The following NAV2 variants were observed in gnomAD, a reference collection of about 807,000 sequenced individuals.
The protein encoded by NAV2 is neuron navigator 2.
A neutral mutation model predicts 223.2 loss-of-function variants in NAV2; 54 were observed. The observed-to-expected ratio is 0.24, with a 90% CI of 0.19 to 0.30. The LOEUF (loss-of-function observed/expected upper bound fraction) is 0.30. NAV2 is among the 10% of genes least tolerant of loss of function. NAV2 has a pLI of 1.00. For synonymous variants in NAV2, 1,279 were observed against 1,239.3 expected (o/e 1.03, Z -0.67); for missense variants, 2,806 against 3,147.5 (o/e 0.89, Z 2.60).
intron 26 of NAV2, among the ~76,000 whole-genome samples, chr11:20,086,353 T>C (rs957948540): frequency 4.6e-5 from 7 of 152,158 alleles, no homozygotes; most frequent in Admixed American, 2.0e-4. Context: ...CCTTCCTGTG[T>C]CCTCTGCCTG....
chr11:19,497,174 T>C (rs529170353), intron 1 of NAV2, among the ~76,000 whole-genome samples: 18 of 152,382 alleles, frequency 1.2e-4, no homozygotes, highest in African/African-American at 3.6e-4. Flanking sequence ...TCTTCACCTC[T>C]CTGTGCATCT....
At chr11:20,090,787 C>T in intron 26 of NAV2, 78 bp from the exon 27 acceptor site, 1 of 1,481,348 alleles carries the variant, frequency 6.8e-7, no homozygotes, top group Non-Finnish European at 9.2e-7. Context: ...CTAAACAAAC[C>T]TGATGATTGA....
At chr11:19,818,262 T>TTTA (rs1555075651) in intron 1 of NAV2, among the ~76,000 whole-genome samples, 18 of 114,102 alleles carry the variant, frequency 1.6e-4, no homozygotes, top group South Asian at 3.0e-4. Context: ...TTTTTTTTTT[T>TTTA]ACTCCATCTC....
Position 19,614,237 on chromosome 11 carries a change from G to A in NAV2, c.76-218247G>A, listed in dbSNP as rs538492537. On this transcript the variant is annotated intron_variant, in intron 1 of 37. Transcript: ENST00000360655. ...TGGTGGGGGTTGAAGAGGAGATGAG[G>A]CAGGGGGCTGGGTCCTGCTGGCTGT... 2.0e-5 allele frequency among the ~76,000 whole-genome samples: 3 copies of A among 152,230 alleles called. No individual in the cohort carries two copies. The South Asian group carries it at 6.2e-4, about 32-fold the overall frequency.
chr11:19,743,769 G>A (rs1481712805), intron 1 of NAV2, among the ~76,000 whole-genome samples: 1 of 152,228 alleles, frequency 6.6e-6, no homozygotes, highest in Admixed American at 6.5e-5. Flanking sequence ...GCTCAGAGTT[G>A]GGCAGTCATC....
At chr11:19,363,150 G>A (rs535736778) in intron 1 of NAV2, among the ~76,000 whole-genome samples, 10 of 152,126 alleles carry the variant, frequency 6.6e-5, no homozygotes, top group Non-Finnish European at 1.3e-4. Flanking sequence ...CCCCACGACA[G>A]GCCCTGGTGT....
At chr11:19,708,514 C>T (rs556309414), upstream of NAV2, among the ~76,000 whole-genome samples, 13 of 152,194 alleles carry the variant, frequency 8.5e-5, no homozygotes, top group Middle Eastern at 3.4e-3. Context: ...GGCTCTTCAC[C>T]GGACTGTCTT....
intron 1 of NAV2, among the ~76,000 whole-genome samples, chr11:19,415,760 T>G (rs187190188): frequency 1.3e-3 from 196 of 152,310 alleles, no homozygotes; most frequent in African/African-American, 4.4e-3. Flanking sequence ...TCGAGTTGGC[T>G]TCATCCCTGG....
At chr11:19,921,748 A>G (rs1054986063) in intron 6 of NAV2, among the ~76,000 whole-genome samples, 2 of 152,220 alleles carry the variant, frequency 1.3e-5, no homozygotes, top group Non-Finnish European at 2.9e-5. Context: ...CTTAACCCCT[A>G]TGCCTCAGTT....
At chr11:19,430,201 A>G (rs545983091) in intron 1 of NAV2, among the ~76,000 whole-genome samples, 13 of 152,196 alleles carry the variant, frequency 8.5e-5, no homozygotes, top group Middle Eastern at 3.4e-3. Flanking sequence ...GGAATGGGGC[A>G]GAGGCCTCTT....
chr11:19,834,966 G>A (rs1390926834), intron 2 of NAV2, among the ~76,000 whole-genome samples: 7 of 152,186 alleles, frequency 4.6e-5, no homozygotes, highest in Non-Finnish European at 8.8e-5. Context: ...TACCTAGAAA[G>A]GTATGTATGG....
chr11:19,979,395 G>C (rs1021894523), intron 10 of NAV2, among the ~76,000 whole-genome samples: 1 of 152,056 alleles, frequency 6.6e-6, no homozygotes, highest in Non-Finnish European at 1.5e-5. Flanking sequence ...ATGCAGCCCA[G>C]TTCCTAGCTG....
intron 17 of NAV2, among the ~76,000 whole-genome samples, chr11:20,053,297 A>T (rs1591870406): frequency 6.6e-6 from 1 of 152,024 alleles, no homozygotes; most frequent in African/African-American, 2.4e-5. Context: ...CATGCATTTT[A>T]AAATCAAACA....
intron 1 of NAV2, among the ~76,000 whole-genome samples, chr11:19,742,247 C>T (rs549598921): frequency 6.6e-6 from 1 of 152,340 alleles, no homozygotes; most frequent in Admixed American, 6.5e-5. Context: ...TCTACCACTT[C>T]CTACCTCCTG....
At chr11:19,717,974 C>G (rs1044560276) in intron 1 of NAV2, among the ~76,000 whole-genome samples, 1 of 152,154 alleles carries the variant, frequency 6.6e-6, no homozygotes, top group Non-Finnish European at 1.5e-5. Context: ...TTAGGTACAG[C>G]CCTACTGTCA....
intron 1 of NAV2, among the ~76,000 whole-genome samples, chr11:19,565,828 C>T (rs1246856073): frequency 6.6e-6 from 1 of 152,198 alleles, no homozygotes; most frequent in Non-Finnish European, 1.5e-5. Flanking sequence ...TTTCAATTTT[C>T]CTCCTGGCTG....
At chr11:19,711,843 G>A (rs769854628), upstream of NAV2, 4 of 152,182 alleles carry the variant, frequency 2.6e-5, no homozygotes, top group Non-Finnish European at 5.9e-5. Flanking sequence ...CAGCTCATTA[G>A]GTAAATGTCG....
At chr11:19,433,368 C>A (rs1851102268) in intron 1 of NAV2, among the ~76,000 whole-genome samples, 2 of 152,186 alleles carry the variant, frequency 1.3e-5, no homozygotes, top group South Asian at 2.1e-4. Flanking sequence ...GAAATTTCTG[C>A]ATTTGATGGG....
intron 1 of NAV2, among the ~76,000 whole-genome samples, chr11:19,660,537 AG>A (rs1214648694): frequency 6.6e-6 from 1 of 152,046 alleles, no homozygotes; most frequent in Non-Finnish European, 1.5e-5. Flanking sequence ...AGGGAGGGGG[AG>A]AAGCCACCTG....
Sources: gnomAD v4.1 joint callset for allele counts (sites outside exome capture counted in the v4.1 genomes callset) on GRCh38, gnomAD v4.1.1 for gene constraint, MANE v1.5 for transcripts, NCBI Gene and HGNC (gene_info 2026-07-23, HGNC 2026-07-21) for gene names.